Variants in TRPM1 observed in about 807,000 individuals in gnomAD.
The protein encoded by TRPM1 is transient receptor potential cation channel subfamily M member 1.
Under a neutral mutation model 149.4 loss-of-function variants are expected in TRPM1, and 113 were observed. That is an observed-to-expected ratio of 0.76 (90% CI 0.65 to 0.88). TRPM1 has a LOEUF of 0.88. TRPM1 is among the 40% of genes least tolerant of loss of function. TRPM1 has a pLI of 0.00. For missense variants in TRPM1, 1,976 were observed against 2,038.7 expected (o/e 0.97, Z 0.59); for synonymous variants, 741 against 759.5 (o/e 0.98, Z 0.40).
At position 31,114,990 on chromosome 15, in the gene TRPM1, C is replaced by T. The variant is rs2035777762; in HGVS notation, c.55-38006G>A. Among the ~76,000 whole-genome samples, 3 of 152,258 alleles carry T rather than the reference C, an allele frequency of 2.0e-5. No homozygotes were observed. In the South Asian group the frequency reaches 6.2e-4, roughly 31 times the overall value. ...AGATCTGAGGCTGGGCATTGTGGCT[C>T]ATGCCTGTAATCCCAGCACTTTGGG... On this transcript the variant is annotated intron_variant, in intron 1 of 26. Transcript: ENST00000542188.
At chr15:31,024,827 T>C (rs2032666660) in intron 27 of TRPM1, among the ~76,000 whole-genome samples, 1 of 152,208 alleles carries the variant, frequency 6.6e-6, no homozygotes, top group Non-Finnish European at 1.5e-5. Flanking sequence ...AGTTTAGCAA[T>C]TACTGTTAAA....
chr15:31,058,969 G>C (rs1213871464), intron 11 of TRPM1, among the ~76,000 whole-genome samples: 2 of 152,188 alleles, frequency 1.3e-5, no homozygotes, highest in African/African-American at 2.4e-5. Flanking sequence ...TGTAGTCCCA[G>C]CTACTTGGGA....
At chr15:31,153,178 T>C (rs145180629) in intron 1 of TRPM1, among the ~76,000 whole-genome samples, 148 of 152,352 alleles carry the variant, frequency 9.7e-4, no homozygotes, top group African/African-American at 3.4e-3. Context: ...AGGAAAGAAT[T>C]AACTAAGAGT....
At chr15:31,050,710 T>TGTG in intron 11 of TRPM1, 128 bp from the exon 12 acceptor site, 1 of 1,006,026 alleles carries the variant, frequency 9.9e-7, no homozygotes, top group South Asian at 1.3e-5. Context: ...AATGTACATG[T>TGTG]GCACACCCAC....
At chr15:31,048,089 C>T in intron 13 of TRPM1, 150 bp from the exon 14 acceptor site, 2 of 731,242 alleles carry the variant, frequency 2.7e-6, no homozygotes, top group Admixed American at 1.9e-5. Context: ...ATGGTGAAAC[C>T]CCATCTCTAC....
intron 1 of TRPM1, among the ~76,000 whole-genome samples, chr15:31,141,273 A>G (rs1294538427): frequency 6.6e-6 from 1 of 152,172 alleles, no homozygotes; most frequent in African/African-American, 2.4e-5. Context: ...GTGACAGTTC[A>G]AAATTTATTT....
chr15:31,021,897 T>G (rs1595983533), intron 27 of TRPM1, among the ~76,000 whole-genome samples: 2 of 152,158 alleles, frequency 1.3e-5, no homozygotes, highest in East Asian at 3.9e-4. Flanking sequence ...CTGCATATTG[T>G]GAAATGTCAG....
chr15:31,150,583 T>C (rs2036287463), intron 1 of TRPM1, among the ~76,000 whole-genome samples: 1 of 152,060 alleles, frequency 6.6e-6, no homozygotes, highest in Non-Finnish European at 1.5e-5. Flanking sequence ...ATTATAGGCA[T>C]GCGCACCACG....
chr15:31,043,997 C>T (rs746034207), intron 16 of TRPM1, among the ~76,000 whole-genome samples: 8 of 152,086 alleles, frequency 5.3e-5, no homozygotes, highest in African/African-American at 1.9e-4. Flanking sequence ...AAGTAACACA[C>T]CTTACTTAGC....
Position 31,050,470 on chromosome 15 carries a change from C to A in TRPM1, c.1376G>T (p.Gly459Val), listed in dbSNP as rs535011688. ...TTCCTCCACTTCCTCTTTCACTTTC[C>A]CTTTCTTCTTGCCTTTCCCTTTTCC... ...GRGKGKGKKK[G>V]KVKEEVEEET... The change falls in exon 12 of 28, where the codon GGG (glycine) becomes GTG (valine). Residue 459 changes from glycine to valine, a missense_variant. Gly to Val is a moderately radical substitution (Grantham distance 109, BLOSUM62 -3). This residue lies in a region of TRPM1 where 1,332 missense variants were observed against 1,347.1 expected (regional missense o/e 0.99). Coordinates refer to ENST00000256552, the MANE Select transcript of TRPM1 (RefSeq NM_001252024.2). 645 of 1,614,110 alleles carry A rather than the reference C, an allele frequency of 4.0e-4. 8 individuals are homozygous for A. The South Asian group carries it at 6.5e-3, about 16-fold the overall frequency.
Position 31,031,074 on chromosome 15 carries a change from T to C in TRPM1, c.3036A>G (p.Pro1012=). The C allele has an allele frequency of 2.5e-6, 4 of 1,614,168 alleles. No homozygotes were observed. Among genetic ancestry groups the C allele is most frequent in the Non-Finnish European group, 3.4e-6 (4 of 1,180,020 alleles). ...FGVARQAILH[P]EEKPSWKLAR... is the part of the protein sequence containing the mutation. Reference sequence around the variant, plus strand: ...CCAGTTTCCAAGAGGGCTTCTCCTCTGGATGCAGAATGGCTTGACGGGCTA... The same window carrying C: ...CCAGTTTCCAAGAGGGCTTCTCCTCCGGATGCAGAATGGCTTGACGGGCTA... Residue 1012 remains proline (P), a synonymous_variant, in exon 23 of 28, where the codon CCA becomes CCG. Transcript: ENST00000256552.
At position 31,077,439 on chromosome 15, in the gene TRPM1, C is replaced by T. The variant is rs528935178; in HGVS notation, c.4-455G>A. On this transcript the variant is annotated intron_variant, in intron 2 of 27. Transcript: ENST00000256552. ...TTCTGCTGGCTTTATCCCACATGGC[C>T]TCTTGTTCTGTCACCAGGGACATCT... 6.8e-3 allele frequency among the ~76,000 whole-genome samples: 723 copies of T among 105,910 alleles called. 2 individuals are homozygous for T. The highest frequency in any genetic ancestry group is 7.8e-3 in the Non-Finnish European group (394 of 50,392). The allele number at this position is 105,910 out of a possible 152,430, so 69.5% of individuals were successfully genotyped here. A position where few individuals can be genotyped will look rare whatever the true frequency, so the allele number is the denominator to read the frequency against.
intron 1 of TRPM1, among the ~76,000 whole-genome samples, chr15:31,122,887 A>G (rs142958741): frequency 4.9e-4 from 75 of 152,316 alleles, no homozygotes; most frequent in Non-Finnish European, 9.4e-4. Flanking sequence ...GCAACATAAT[A>G]CTGAAGAAGA....
At chr15:31,088,943 G>C (rs1389721491) in intron 1 of TRPM1, among the ~76,000 whole-genome samples, 1 of 152,182 alleles carries the variant, frequency 6.6e-6, no homozygotes, top group Non-Finnish European at 1.5e-5. Flanking sequence ...GAAGCTGCTG[G>C]CGCCTCTGTG....
At chr15:31,146,811 AC>A (rs2036229582) in intron 1 of TRPM1, among the ~76,000 whole-genome samples, 2 of 152,088 alleles carry the variant, frequency 1.3e-5, no homozygotes, top group African/African-American at 4.8e-5. Context: ...ACATGCAGAA[AC>A]CCCATCTCTA....
chr15:31,062,898 C>A, intron 8 of TRPM1, 196 bp from the exon 9 acceptor site: 1 of 968,068 alleles, frequency 1.0e-6, no homozygotes, highest in Non-Finnish European at 1.6e-6. Flanking sequence ...TTTCTAAGGG[C>A]AAATGAAGTT....
upstream of TRPM1, among the ~76,000 whole-genome samples, chr15:31,103,083 G>A (rs139140977): frequency 2.0e-5 from 3 of 152,384 alleles, no homozygotes; most frequent in Middle Eastern, 3.4e-3. Flanking sequence ...GCTGATGGCC[G>A]GCACTGCCAT....
At chr15:31,154,643 C>T (rs141288021) in intron 1 of TRPM1, among the ~76,000 whole-genome samples, 3,473 of 152,240 alleles carry the variant, frequency 0.023, 135 homozygotes, top group African/African-American at 0.079. Context: ...GACTAGACTG[C>T]CTTTGTAGGA....
At chr15:31,134,635 C>G (rs1283760170) in intron 1 of TRPM1, among the ~76,000 whole-genome samples, 1 of 152,200 alleles carries the variant, frequency 6.6e-6, no homozygotes, top group Non-Finnish European at 1.5e-5. Context: ...TTTCCCCACA[C>G]CCATCCTTCT....
Sources: gnomAD v4.1 joint callset for allele counts (sites outside exome capture counted in the v4.1 genomes callset) on GRCh38, gnomAD v4.1.1 for gene constraint, gnomAD v4.1.1 regional missense constraint, MANE v1.5 for transcripts, NCBI Gene and HGNC (gene_info 2026-07-23, HGNC 2026-07-21) for gene names.